Variants in NPAS3 observed in about 807,000 individuals in gnomAD.
The protein encoded by NPAS3 is neuronal PAS domain protein 3, also known as neuronal PAS domain-containing protein 3.
A neutral mutation model predicts 73.1 loss-of-function variants in NPAS3; 14 were observed. The observed-to-expected ratio is 0.19, with a 90% confidence interval of 0.13 to 0.30. NPAS3 has a LOEUF of 0.30. Ranked by LOEUF, NPAS3 falls within the 10% of genes least tolerant of loss-of-function variation. NPAS3 has a pLI of 1.00. For synonymous variants in NPAS3, 620 were observed against 541.5 expected (o/e 1.14, Z -2.01); for missense variants, 1,096 against 1,250.0 (o/e 0.88, Z 1.86).
At chr14:33,430,251 C>G (rs1462128808) in intron 4 of NPAS3, among the ~76,000 whole-genome samples, 1 of 152,112 alleles carries the variant, frequency 6.6e-6, no homozygotes, top group Non-Finnish European at 1.5e-5. Context: ...TTCCCCTCCC[C>G]CATTCTTCTT....
At chr14:33,006,794 C>A (rs1374744092) in intron 1 of NPAS3, among the ~76,000 whole-genome samples, 1 of 152,150 alleles carries the variant, frequency 6.6e-6, no homozygotes. Context: ...ACATTTATGT[C>A]GGGCAATGAC....
intron 4 of NPAS3, among the ~76,000 whole-genome samples, chr14:33,546,648 T>C (rs2054857977): frequency 6.6e-6 from 1 of 152,224 alleles, no homozygotes; most frequent in Non-Finnish European, 1.5e-5. Flanking sequence ...TTGAAAATTT[T>C]AATTGTGATG....
intron 6 of NPAS3, among the ~76,000 whole-genome samples, chr14:33,687,845 C>G (rs774377295): frequency 3.6e-4 from 55 of 152,192 alleles, no homozygotes; most frequent in Non-Finnish European, 2.8e-4. Context: ...TGTCTCTGCT[C>G]TCCCAGAACC....
intron 5 of NPAS3, among the ~76,000 whole-genome samples, chr14:33,611,623 C>T (rs2057751839): frequency 6.6e-6 from 1 of 152,174 alleles, no homozygotes; most frequent in Admixed American, 6.5e-5. Flanking sequence ...CAGCATGACT[C>T]ATTTTCCTTG....
At chr14:33,357,493 C>A (rs1470011166) in intron 3 of NPAS3, among the ~76,000 whole-genome samples, 1 of 152,148 alleles carries the variant, frequency 6.6e-6, no homozygotes, top group East Asian at 1.9e-4. Context: ...AAGCTGGTGA[C>A]AACTTACAGG....
chr14:33,015,326 T>C (rs1012554174), intron 1 of NPAS3, among the ~76,000 whole-genome samples: 1 of 152,082 alleles, frequency 6.6e-6, no homozygotes, highest in Non-Finnish European at 1.5e-5. Context: ...AAATTGAAAT[T>C]TGGGGCTAGT....
chr14:33,371,652 T>A (rs2140437619), intron 4 of NPAS3, among the ~76,000 whole-genome samples: 1 of 152,314 alleles, frequency 6.6e-6, no homozygotes, highest in Non-Finnish European at 1.5e-5. Context: ...TGATTACATC[T>A]AAAAATGTTC....
chr14:33,641,484 C>T (rs572680508), intron 5 of NPAS3, among the ~76,000 whole-genome samples: 1 of 152,286 alleles, frequency 6.6e-6, no homozygotes, highest in South Asian at 2.1e-4. Flanking sequence ...TGTCATGTAA[C>T]ACCACTGGTC....
rs1055410699 is a variant in NPAS3 at position 33,756,502 on chromosome 14, C to T, written c.853-17835C>T. On this transcript the variant is annotated intron_variant, in intron 7 of 11. Coordinates refer to ENST00000356141, the Ensembl canonical transcript of NPAS3. ...ATTGGGAGTGGCAAGAGATGCAAGG[C>T]GGTCTGTGAAAGAGAGCACTGAGCT... Among the ~76,000 whole-genome samples the T allele has an allele frequency of 4.6e-5, 7 of 152,162 alleles. No homozygotes were observed. The East Asian group carries it at 1.2e-3, about 25-fold the overall frequency.
rs2042662877 is a variant in NPAS3, at chr14:33,104,420, A to G, written c.140+48426A>G. Among the ~76,000 whole-genome samples the G allele has an allele frequency of 3.3e-5, 5 of 152,342 alleles. No homozygotes were observed. In the East Asian group the frequency reaches 9.6e-4, roughly 29 times the overall value. ...TGATTAATTCTGAGAATCCTCTTCAACTACACTGTAGTGAGTTGTAGAAAT... is the reference window on the plus strand; with the variant it reads ...TGATTAATTCTGAGAATCCTCTTCAGCTACACTGTAGTGAGTTGTAGAAAT... On this transcript the variant is annotated intron_variant, in intron 2 of 11. Coordinates refer to ENST00000356141, the Ensembl canonical transcript of NPAS3.
intron 4 of NPAS3, among the ~76,000 whole-genome samples, chr14:33,412,659 A>G (rs2047980162): frequency 6.6e-6 from 1 of 152,138 alleles, no homozygotes; most frequent in African/African-American, 2.4e-5. Context: ...AAGAGTCAGA[A>G]TATCTAGGTT....
intron 4 of NPAS3, among the ~76,000 whole-genome samples, chr14:33,483,655 G>C (rs769947125): frequency 6.6e-6 from 1 of 152,160 alleles, no homozygotes; most frequent in East Asian, 1.9e-4. Flanking sequence ...GGCTTAAGTA[G>C]CTTCTCCATT....
chr14:33,516,970 A>T (rs1014655542), intron 4 of NPAS3, among the ~76,000 whole-genome samples: 1 of 152,070 alleles, frequency 6.6e-6, no homozygotes, highest in Non-Finnish European at 1.5e-5. Context: ...GTCTCCCAGC[A>T]TGGGATTAGT....
chr14:33,125,387 G>C (rs2043390241), intron 2 of NPAS3, among the ~76,000 whole-genome samples: 1 of 152,030 alleles, frequency 6.6e-6, no homozygotes, highest in Non-Finnish European at 1.5e-5. Context: ...GAAATGATGG[G>C]AGATATTTTC....
intron 1 of NPAS3, among the ~76,000 whole-genome samples, chr14:33,026,397 C>T (rs979184409): frequency 1.3e-5 from 2 of 152,202 alleles, no homozygotes; most frequent in Non-Finnish European, 2.9e-5. Flanking sequence ...ATGGTTCCTC[C>T]TTGTATCTGC....
intron 1 of NPAS3, among the ~76,000 whole-genome samples, chr14:32,949,277 G>A (rs927573879): frequency 2.0e-5 from 3 of 151,950 alleles, no homozygotes; most frequent in Non-Finnish European, 4.4e-5. Flanking sequence ...TTCAGATCTC[G>A]GTAGTCCTGT....
intron 2 of NPAS3, among the ~76,000 whole-genome samples, chr14:33,161,769 G>T (rs1257910689): frequency 6.6e-6 from 1 of 152,222 alleles, no homozygotes; most frequent in Non-Finnish European, 1.5e-5. Context: ...GTCAATGAGA[G>T]TATAGCCAAG....
intron 4 of NPAS3, among the ~76,000 whole-genome samples, chr14:33,542,250 C>T (rs973839410): frequency 6.6e-6 from 1 of 152,190 alleles, no homozygotes; most frequent in Non-Finnish European, 1.5e-5. Flanking sequence ...AAGCCATACT[C>T]GCCAGCAGTA....
chr14:33,226,795 C>A (rs1033394501), intron 3 of NPAS3, among the ~76,000 whole-genome samples: 6 of 152,068 alleles, frequency 3.9e-5, no homozygotes, highest in South Asian at 2.1e-4. Context: ...ACTTAAATTT[C>A]AGTAATGTTT....
Sources: allele counts gnomAD v4.1 joint callset (sites outside exome capture counted in the v4.1 genomes callset), GRCh38; gene constraint gnomAD v4.1.1; transcripts MANE v1.5; gene names NCBI Gene and HGNC (gene_info 2026-07-23, HGNC 2026-07-21).